The following CLIP2 variants were observed in gnomAD, a reference collection of about 807,000 sequenced individuals.
CLIP2 encodes CAP-Gly domain containing linker protein 2.
CLIP2 carries 41 observed loss-of-function variants against 111.7 expected under a neutral mutation model. The ratio of observed to expected loss-of-function variants is 0.37; its 90% confidence interval spans 0.29 to 0.48. CLIP2 has a LOEUF of 0.48. Among genes scored for constraint, CLIP2 ranks in the 20% least tolerant of loss-of-function variants. The probability of loss-of-function intolerance (pLI) is 0.99; values close to 1 mark genes in which losing one functional copy is unlikely to be tolerated. For missense variants in CLIP2, 1,160 were observed against 1,422.1 expected (o/e 0.82, Z 2.96); for synonymous variants, 660 against 644.2 (o/e 1.02, Z -0.37).
At chr7:74,381,732 G>A in intron 11 of CLIP2, 1 of 419,422 alleles carries the variant, frequency 2.4e-6, no homozygotes, top group Non-Finnish European at 4.8e-6. Flanking sequence ...TTCCTTATCA[G>A]TAGTACATTC....
chr7:74,363,710 C>A (rs1244192140), intron 7 of CLIP2, among the ~76,000 whole-genome samples: 3 of 152,052 alleles, frequency 2.0e-5, no homozygotes, highest in Non-Finnish European at 2.9e-5. Flanking sequence ...CATGTTAAAA[C>A]CCTGTCTCTA....
chr7:74,379,817 C>T (rs1276068759), intron 10 of CLIP2, among the ~76,000 whole-genome samples: 1 of 151,740 alleles, frequency 6.6e-6, no homozygotes, highest in Non-Finnish European at 1.5e-5. Context: ...GTGGTGGGCA[C>T]CTGTAATCCC....
At chr7:74,390,637 C>T (rs1272380626) in intron 13 of CLIP2, among the ~76,000 whole-genome samples, 3 of 152,018 alleles carry the variant, frequency 2.0e-5, no homozygotes, top group East Asian at 3.9e-4. Flanking sequence ...TACTGCACTG[C>T]AGCCTGGGCG....
chr7:74,317,749 G>A (rs902144799), intron 2 of CLIP2, 82 bp downstream of exon 2: 23 of 1,335,498 alleles, frequency 1.7e-5, no homozygotes, highest in Non-Finnish European at 2.2e-5. Flanking sequence ...CAGGAGCACA[G>A]GCCACTCTGT....
chr7:74,396,767 C>T (rs540459249), intron 13 of CLIP2, among the ~76,000 whole-genome samples: 1 of 152,240 alleles, frequency 6.6e-6, no homozygotes, highest in Admixed American at 6.6e-5. Context: ...ATGATCCGCC[C>T]ACCTCGGCCT....
intron 1 of CLIP2, among the ~76,000 whole-genome samples, chr7:74,290,645 G>T (rs1787989319): frequency 6.6e-6 from 1 of 152,224 alleles, no homozygotes; most frequent in African/African-American, 2.4e-5. Context: ...GGTCTGGGAT[G>T]AGGGGGTCTG....
chr7:74,376,806 C>T lies in CLIP2; in HGVS notation c.2405C>T (p.Ser802Phe). Residue 802 changes from serine (S) to phenylalanine (F), a missense_variant, in exon 10 of 17, where the codon TCC becomes TTC. By Grantham distance (155) the Ser-to-Phe change is radical. This residue lies in a region of CLIP2 where 676 missense variants were observed against 777.8 expected (regional missense o/e 0.87). Coordinates refer to ENST00000223398, the MANE Select transcript of CLIP2 (RefSeq NM_003388.5). The surrounding 1 kb of genome is among the most constrained non-coding windows in gnomAD (Gnocchi z 7.1). The part of the protein sequence containing the change: ...NRLQAVEALC[S>F]SQHTHMIESN... ...CTCCAGGCGGTCGAGGCCCTGTGCT[C>T]CTCCCAGCACACCCACGTAGGCGCC... is the stretch of plus-strand genomic sequence containing the variant. The T allele has an allele frequency of 6.3e-7, 1 of 1,596,986 alleles. No individual in the cohort carries two copies. Among genetic ancestry groups the T allele is most frequent in the Non-Finnish European group, 8.5e-7 (1 of 1,172,330 alleles).
intron 14 of CLIP2, among the ~76,000 whole-genome samples, chr7:74,399,830 A>G (rs1189346378): frequency 6.7e-6 from 1 of 149,780 alleles, no homozygotes; most frequent in African/African-American, 2.4e-5. Context: ...GTGAGCCACC[A>G]GGCTCGGTCT....
chr7:74,378,172 G>C (rs1034670902), intron 10 of CLIP2, among the ~76,000 whole-genome samples: 2 of 151,246 alleles, frequency 1.3e-5, no homozygotes, highest in African/African-American at 4.9e-5. Context: ...CTGTCTCCCA[G>C]GCTGGAGTGC....
chr7:74,363,911 A>AAAG (rs1790405233), intron 7 of CLIP2, among the ~76,000 whole-genome samples: 1 of 147,124 alleles, frequency 6.8e-6, no homozygotes, highest in Non-Finnish European at 1.5e-5. Flanking sequence ...AAAAAAAAAA[A>AAAG]GGGAGGGAGG....
chr7:74,328,317 A>G (rs1314396242), intron 2 of CLIP2, among the ~76,000 whole-genome samples: 5 of 152,108 alleles, frequency 3.3e-5, no homozygotes, highest in Non-Finnish European at 7.4e-5. Context: ...TTCGGGAGAG[A>G]AAAGGAGGCT....
intron 8 of CLIP2, among the ~76,000 whole-genome samples, chr7:74,367,187 TA>T (rs1186528788): frequency 6.6e-6 from 1 of 152,006 alleles, no homozygotes; most frequent in Non-Finnish European, 1.5e-5. Context: ...TTATTTTGTT[TA>T]AAAAAAATTT....
At chr7:74,360,662 C>T (rs1562709560) in intron 7 of CLIP2, among the ~76,000 whole-genome samples, 1 of 152,102 alleles carries the variant, frequency 6.6e-6, no homozygotes, top group Non-Finnish European at 1.5e-5. Context: ...GTGCTCCTCC[C>T]ACCTCAGGCT....
intron 2 of CLIP2, among the ~76,000 whole-genome samples, chr7:74,326,706 G>A (rs1446785685): frequency 1.3e-5 from 2 of 150,350 alleles, no homozygotes; most frequent in African/African-American, 2.5e-5. Context: ...GCGCAATCTC[G>A]ACTCACTGCA....
chr7:74,376,945 G>A lies in CLIP2; in HGVS notation c.2421+123G>A. On this transcript the variant is annotated intron_variant, in intron 10 of 16. Transcript: ENST00000223398. This position sits in a 1 kb window ranked among gnomAD's most constrained non-coding sequence, Gnocchi z 7.1. ...TGTCCCCGAGAGCATGCCTGGGGCAGTCAAGGAAGGGGTCACCTGGCTTAG... is the reference window on the plus strand; with the variant it reads ...TGTCCCCGAGAGCATGCCTGGGGCAATCAAGGAAGGGGTCACCTGGCTTAG... 1 of 997,414 alleles carries A rather than the reference G, an allele frequency of 1.0e-6. No individual in the cohort carries two copies. Among genetic ancestry groups the A allele is most frequent in the Non-Finnish European group, 1.4e-6 (1 of 700,128 alleles). 61.8% of individuals were successfully genotyped at this position (997,414 alleles called of 1,614,324 possible).
chr7:74,355,835 C>G lies in CLIP2; in HGVS notation c.804-575C>G, dbSNP rs560056029. Among the ~76,000 whole-genome samples, 8 of 152,314 alleles carry G rather than the reference C, an allele frequency of 5.3e-5. No homozygotes were observed. The East Asian group carries it at 1.5e-3, about 29-fold the overall frequency. On this transcript the variant is annotated intron_variant, in intron 4 of 16. Transcript: ENST00000223398. ...CCAAGGTTTCTCTTTCAAGCTTTTG[C>G]TTCTCTATGCAGGGATTCTGTGGGC...
Position 74,397,109 on chromosome 7 carries a change from C to A in CLIP2, c.2756C>A (p.Ala919Asp). Residue 919 changes from alanine to aspartate, a missense_variant, in exon 14 of 17, where the codon GCC becomes GAC. Ala to Asp is a moderately radical substitution (Grantham distance 126). Coordinates refer to ENST00000223398, the MANE Select transcript of CLIP2 (RefSeq NM_003388.5). Reference sequence around the variant, plus strand: ...GAACTGCGGGTGTTGCTGCTGGAGGCCAATCGTCACTCCCCAGGGCCGGAG... The same window carrying A: ...GAACTGCGGGTGTTGCTGCTGGAGGACAATCGTCACTCCCCAGGGCCGGAG... ...LNELRVLLLE[A>D]NRHSPGPERD... 6.2e-7 allele frequency: 1 copy of A among 1,613,786 alleles called. No individual in the cohort carries two copies. Among genetic ancestry groups the A allele is most frequent in the Non-Finnish European group, 8.5e-7 (1 of 1,179,928 alleles).
intron 1 of CLIP2, among the ~76,000 whole-genome samples, chr7:74,289,996 G>A (rs1554725156): frequency 2.0e-5 from 3 of 152,182 alleles, no homozygotes; most frequent in Non-Finnish European, 4.4e-5. Context: ...CCGGGCTGCG[G>A]GTCCCCCTGT....
chr7:74,400,173 CAA>C (rs1372011483), intron 14 of CLIP2, among the ~76,000 whole-genome samples, 195 bp from the exon 15 acceptor site: 2 of 141,868 alleles, frequency 1.4e-5, no homozygotes, highest in East Asian at 4.0e-4. Flanking sequence ...AAAAAAAAGT[CAA>C]GAGGGATGGG....
Sources: allele counts gnomAD v4.1 joint callset (sites outside exome capture counted in the v4.1 genomes callset), GRCh38; gene constraint gnomAD v4.1.1; regional missense constraint gnomAD v4.1.1; non-coding constraint Gnocchi (gnomAD v3.1); transcripts MANE v1.5; gene names NCBI Gene and HGNC (gene_info 2026-07-23, HGNC 2026-07-21).